LMBRD2: variants seen among roughly 807,000 people sequenced by gnomAD.
LMBRD2 encodes the protein G protein-coupled receptor-associated protein LMBRD2.
LMBRD2 carries 55 observed loss-of-function variants against 94.4 expected under a neutral mutation model. The observed-to-expected ratio is 0.58, with a 90% CI of 0.47 to 0.73. LMBRD2 has a LOEUF of 0.73. Among genes scored for constraint, LMBRD2 ranks in the 30% least tolerant of loss-of-function variants. The probability of loss-of-function intolerance (pLI) is 0.00; values close to 1 mark genes in which losing one functional copy is unlikely to be tolerated. For synonymous variants in LMBRD2, 246 were observed against 272.4 expected (o/e 0.90, Z 0.95); for missense variants, 640 against 831.9 (o/e 0.77, Z 2.84).
At position 36,124,262 on chromosome 5, in the gene LMBRD2, C is replaced by G. The variant is rs1256555316; in HGVS notation, c.751G>C (p.Val251Leu). The change falls in exon 7 of 18, where the codon GTT becomes CTT. Residue 251 changes from valine (V) to leucine (L), a missense_variant. This residue lies in a region of LMBRD2 where 457 missense variants were observed against 642.8 expected (regional missense o/e 0.71). Transcript: ENST00000296603. ...EENLEDAMEE[V>L]RKVNESIKYN... is the part of the protein sequence containing the mutation. ...TTGATGCTTTCATTCACTTTACGAA[C>G]CTCCTATAAAAACAGTAAAATAAAT... 3 of 1,563,300 alleles carry G rather than the reference C, an allele frequency of 1.9e-6. No individual in the cohort carries two copies. The highest frequency in any genetic ancestry group is 3.4e-5 in the Admixed American group (2 of 59,410).
intron 16 of LMBRD2, among the ~76,000 whole-genome samples, chr5:36,106,511 T>G (rs1479122538): frequency 1.4e-5 from 2 of 143,952 alleles, no homozygotes; most frequent in African/African-American, 5.0e-5. Flanking sequence ...TTTCTTTCGT[T>G]TTTTTTTTTT....
rs746592014 is a variant in LMBRD2, at chr5:36,136,534, C to G, written c.537-15G>C. ...GAAGCTGGTTCCTAAGAAAGGGAAACAACAGATAATATGTATATTTTAATG... is the reference window on the plus strand; with the variant it reads ...GAAGCTGGTTCCTAAGAAAGGGAAAGAACAGATAATATGTATATTTTAATG... On this transcript the variant is annotated splice_polypyrimidine_tract_variant and intron_variant, in intron 5 of 17. Coordinates refer to ENST00000296603, the MANE Select transcript of LMBRD2 (RefSeq NM_001007527.2). The G allele has an allele frequency of 6.3e-7, 1 of 1,598,844 alleles. No individual in the cohort carries two copies. The highest frequency in any genetic ancestry group is 8.6e-7 in the Non-Finnish European group (1 of 1,166,390).
intron 4 of LMBRD2, among the ~76,000 whole-genome samples, chr5:36,140,705 G>C (rs2111907266): frequency 6.6e-6 from 1 of 152,236 alleles, no homozygotes; most frequent in East Asian, 1.9e-4. Flanking sequence ...GCACAAGAGA[G>C]AAAGCCATAA....
chr5:36,108,865 T>C (rs1419824103), intron 15 of LMBRD2, among the ~76,000 whole-genome samples: 1 of 152,186 alleles, frequency 6.6e-6, no homozygotes, highest in Non-Finnish European at 1.5e-5. Flanking sequence ...AGAGATATTT[T>C]TGCTAACTTT....
chr5:36,136,508 T>C lies in LMBRD2; in HGVS notation c.548A>G (p.Gln183Arg), dbSNP rs1365660742. The change falls in exon 6 of 18, where the codon CAG becomes CGG. Residue 183 changes from glutamine to arginine, a missense_variant. Transcript: ENST00000296603. ...ATTTGCAGCAGCTATCCCAATTGTC[T>C]GAAGCTGGTTCCTAAGAAAGGGAAA... The part of the protein sequence containing the change: ...PHLHLEWNQL[Q>R]TIGIAAANTW... 2 of 1,613,892 alleles carry C rather than the reference T, an allele frequency of 1.2e-6. No homozygotes were observed. Among genetic ancestry groups the C allele is most frequent in the Non-Finnish European group, 1.7e-6 (2 of 1,179,806 alleles).
chr5:36,148,445 C>T (rs762831631), intron 1 of LMBRD2, among the ~76,000 whole-genome samples: 8 of 152,060 alleles, frequency 5.3e-5, no homozygotes, highest in Non-Finnish European at 7.4e-5. Flanking sequence ...TAAAATTTTA[C>T]TGAATTCTTA....
intron 1 of LMBRD2, among the ~76,000 whole-genome samples, 172 bp from the exon 2 acceptor site, chr5:36,143,578 CTTATA>C (rs912694387): frequency 2.0e-5 from 3 of 152,166 alleles, no homozygotes; most frequent in Admixed American, 6.5e-5. Context: ...TCCTCAAGTA[CTTATA>C]TTTTATTTTT....
intron 7 of LMBRD2, 72 bp downstream of exon 7, chr5:36,124,119 T>C: frequency 1.2e-6 from 1 of 857,440 alleles, no homozygotes; most frequent in Admixed American, 2.5e-5. Flanking sequence ...TTTTCATACT[T>C]TTCTGGTACT....
Position 36,136,408 on chromosome 5 carries a change from T to C in LMBRD2, c.648A>G (p.Gly216=). ...LVEIPRSYWN[G]AKRGYLLMKT... Reference sequence around the variant, plus strand: ...TCATAAGTAGATAACCCCTTTTTGCTCCATTCCAGTATGATCGAGGAATTT... The same window carrying C: ...TCATAAGTAGATAACCCCTTTTTGCCCCATTCCAGTATGATCGAGGAATTT... Residue 216 remains glycine (G), a synonymous_variant, in exon 6 of 18, where the codon GGA becomes GGG. Coordinates refer to ENST00000296603, the MANE Select transcript of LMBRD2 (RefSeq NM_001007527.2). 4 of 1,614,042 alleles carry C rather than the reference T, an allele frequency of 2.5e-6. No individual in the cohort carries two copies. The highest frequency in any genetic ancestry group is 1.6e-4 in the Middle Eastern group (1 of 6,062).
intron 1 of LMBRD2, among the ~76,000 whole-genome samples, chr5:36,147,048 T>G (rs1744566188): frequency 6.6e-6 from 1 of 151,906 alleles, no homozygotes; most frequent in African/African-American, 2.4e-5. Flanking sequence ...GAAATTTGTT[T>G]TACAGGGCTT....
chr5:36,108,579 TA>T lies in LMBRD2; in HGVS notation c.1851del (p.His617GlnfsTer33). The T allele has an allele frequency of 6.3e-7, 1 of 1,597,516 alleles. No homozygotes were observed. The highest frequency in any genetic ancestry group is 8.6e-7 in the Non-Finnish European group (1 of 1,168,790). The stretch of plus-strand genomic sequence containing the variant: ...GAGAAGTTTGACTCTTTGGGGTCAG[TA>T]TGAATATTTCTGTTCCTAGTGGAAT... The part of the protein sequence containing the change: ...REDSTRNRNI[H>X]TDPKESNFSD... On this transcript the variant is annotated frameshift_variant, in exon 16 of 18. Transcript: ENST00000296603. LOFTEE classifies it high-confidence loss of function.
intron 11 of LMBRD2, 29 bp from the exon 12 acceptor site, chr5:36,115,149 T>C (rs779433572): frequency 2.9e-6 from 4 of 1,381,884 alleles, no homozygotes; most frequent in Non-Finnish European, 4.1e-6. Context: ...AATATGTATA[T>C]AAAAAGTAAA....
intron 13 of LMBRD2, among the ~76,000 whole-genome samples, chr5:36,112,022 A>G (rs1040199216): frequency 6.6e-6 from 1 of 151,738 alleles, no homozygotes; most frequent in African/African-American, 2.4e-5. Context: ...CTACACAGAG[A>G]GGGAGGAAGA....
At chr5:36,146,081 T>C (rs1744530645) in intron 1 of LMBRD2, among the ~76,000 whole-genome samples, 1 of 152,218 alleles carries the variant, frequency 6.6e-6, no homozygotes, top group African/African-American at 2.4e-5. Context: ...GTCAGCACTT[T>C]AAAGGGTTGT....
At chr5:36,142,729 T>TC in intron 2 of LMBRD2, 130 bp from the exon 3 acceptor site, 2 of 560,198 alleles carry the variant, frequency 3.6e-6, no homozygotes, top group African/African-American at 1.9e-5. Context: ...TTTTTTTTTT[T>TC]TTTCTTTTTG....
intron 9 of LMBRD2, among the ~76,000 whole-genome samples, chr5:36,119,818 G>A (rs893415144): frequency 1.3e-5 from 2 of 151,994 alleles, no homozygotes; most frequent in Admixed American, 6.5e-5. Flanking sequence ...AAACAGAAGC[G>A]ATCAGAGAAT....
chr5:36,113,589 T>G (rs1209346115), intron 13 of LMBRD2, among the ~76,000 whole-genome samples: 1 of 152,192 alleles, frequency 6.6e-6, no homozygotes, highest in East Asian at 1.9e-4. Context: ...TGTTTACTCA[T>G]TACTGTAATG....
chr5:36,109,589 C>T (rs1042570370), intron 15 of LMBRD2, among the ~76,000 whole-genome samples: 1 of 151,900 alleles, frequency 6.6e-6, no homozygotes, highest in African/African-American at 2.4e-5. Context: ...ATTAATGTCA[C>T]AGCACCAAAA....
In LMBRD2 at chr5:36,115,105, C is replaced by G. The variant is rs1227536937; in HGVS notation, c.1452G>C (p.Leu484Phe). The G allele has an allele frequency of 1.9e-6, 3 of 1,605,914 alleles. No homozygotes were observed. The highest frequency in any genetic ancestry group is 2.6e-6 in the Non-Finnish European group (3 of 1,176,122). Residue 484 changes from leucine (L) to phenylalanine (F), a missense_variant, in exon 12 of 18, where the codon TTG becomes TTC. Physicochemically the swap from Leu to Phe is conservative, Grantham distance 22 (BLOSUM62 0). Around this residue, in one of 2 missense-constraint regions of LMBRD2, gnomAD observed 457 missense variants for 642.8 expected, o/e 0.71. Transcript: ENST00000296603. ...AGAAATTAAGACATAAAGGAGGTGT[C>G]AAACGGCAAAATAGCCTGCAACAAA... ...LLFSGMLFCR[L>F]TPPLCLNFLG...
Sources: allele counts gnomAD v4.1 joint callset (sites outside exome capture counted in the v4.1 genomes callset), GRCh38; gene constraint gnomAD v4.1.1; regional missense constraint gnomAD v4.1.1; transcripts MANE v1.5; gene names NCBI Gene and HGNC (gene_info 2026-07-23, HGNC 2026-07-21).